The following DENND2D variants were observed in gnomAD, a reference collection of about 807,000 sequenced individuals.
DENND2D encodes DENN domain containing 2D, also known as DENN domain-containing protein 2D.
Under a neutral mutation model 59.8 loss-of-function variants are expected in DENND2D, and 37 were observed. The ratio of observed to expected loss-of-function variants is 0.62; its 90% CI spans 0.48 to 0.81. The LOEUF is 0.81. Ranked by LOEUF, DENND2D falls within the 40% of genes least tolerant of loss-of-function variation. The pLI, the probability that DENND2D is intolerant of heterozygous loss-of-function variation, is 0.00. For missense variants in DENND2D, 525 were observed against 579.7 expected, an observed-to-expected ratio of 0.91 and a Z score of 0.97; for synonymous variants, 219 against 211.3, an observed-to-expected ratio of 1.04 and a Z score of -0.31.
chr1:111,194,456 TAGA>T (rs1338060864), intron 7 of DENND2D, 119 bp downstream of exon 7: 2 of 1,162,176 alleles, frequency 1.7e-6, no homozygotes, highest in Non-Finnish European at 2.4e-6. Context: ...AACAAGGAGC[TAGA>T]AACAGGAGGG....
chr1:111,201,586 A>C (rs536558246), upstream of DENND2D, among the ~76,000 whole-genome samples: 11 of 152,336 alleles, frequency 7.2e-5, no homozygotes, highest in Admixed American at 3.3e-4. Flanking sequence ...TAGCAAAAAA[A>C]TCACCTTGGA....
At chr1:111,193,710 T>A (rs1335553048) in intron 7 of DENND2D, among the ~76,000 whole-genome samples, 1 of 152,182 alleles carries the variant, frequency 6.6e-6, no homozygotes. Context: ...TCACTGGTTT[T>A]CTCCCTCCCC....
chr1:111,197,095 T>C (rs1658302977), intron 5 of DENND2D, 81 bp downstream of exon 5: 6 of 1,471,738 alleles, frequency 4.1e-6, no homozygotes, highest in Admixed American at 1.9e-5. Flanking sequence ...AGAGCTCCAC[T>C]AAGAGCTTAG....
At chr1:111,204,198 G>T, upstream of DENND2D, 1 of 1,262,672 alleles carries the variant, frequency 7.9e-7, no homozygotes, top group Non-Finnish European at 1.0e-6. Context: ...GGATCTCGAC[G>T]CCCCGTGCCG....
Position 111,197,162 on chromosome 1 carries a change from A to G in DENND2D, c.504+14T>C. The G allele has an allele frequency of 7.0e-7, 1 of 1,438,588 alleles. No homozygotes were observed. Among genetic ancestry groups the G allele is most frequent in the Non-Finnish European group, 9.4e-7 (1 of 1,069,042 alleles). The allele number at this position is 1,438,588 out of a possible 1,614,324, so 89.1% of individuals were successfully genotyped here. A position where few individuals can be genotyped will look rare whatever the true frequency, so the allele number is the denominator to read the frequency against. ...CCTGGAATATGGGCAGGCCCTGAGGAATCCTATCCCTACCTTGGAGAACAA... is the reference window on the plus strand; with the variant it reads ...CCTGGAATATGGGCAGGCCCTGAGGGATCCTATCCCTACCTTGGAGAACAA... On this transcript the variant is annotated intron_variant, in intron 5 of 11. Transcript: ENST00000357640.
chr1:111,188,340 C>A lies in DENND2D; in HGVS notation c.1130G>T (p.Gly377Val). 2 of 1,613,932 alleles carry A rather than the reference C, an allele frequency of 1.2e-6. No individual in the cohort carries two copies. The highest frequency in any genetic ancestry group is 1.7e-6 in the Non-Finnish European group (2 of 1,179,992). The part of the protein sequence containing the change: ...TAEQINEHVS[G>V]PFVQFFVKIV... ...CTTGACAAAGAACTGCACAAAGGGGCCTGAAACATGCTCGTTGATTTGTTC... is the reference window on the plus strand; with the variant it reads ...CTTGACAAAGAACTGCACAAAGGGGACTGAAACATGCTCGTTGATTTGTTC... Residue 377 changes from glycine to valine, a missense_variant, in exon 11 of 12, where the codon GGC becomes GTC. Transcript: ENST00000357640.
chr1:111,203,420 G>A (rs1325953762), upstream of DENND2D, among the ~76,000 whole-genome samples: 1 of 152,246 alleles, frequency 6.6e-6, no homozygotes, highest in Non-Finnish European at 1.5e-5. Context: ...TCAGACAGTA[G>A]GACCTCTGGG....
At chr1:111,198,086 A>C in intron 3 of DENND2D, 97 bp from the exon 4 acceptor site, 1 of 1,181,564 alleles carries the variant, frequency 8.5e-7, no homozygotes, top group Middle Eastern at 2.0e-4. Flanking sequence ...GGCAAAGGGG[A>C]GTTGCTGATT....
chr1:111,199,884 C>T (rs938945018), intron 1 of DENND2D, 86 bp from the exon 2 acceptor site: 1 of 1,504,772 alleles, frequency 6.6e-7, no homozygotes, highest in Non-Finnish European at 8.9e-7. Flanking sequence ...GACCTCCACA[C>T]CTCAAGGCCG....
chr1:111,189,192 A>T lies in DENND2D; in HGVS notation c.1014+20T>A. On this transcript the variant is annotated intron_variant, in intron 9 of 11. Coordinates refer to ENST00000357640, the MANE Select transcript of DENND2D (RefSeq NM_024901.5). ...AGAGTTGTTGATAGGCCTGCAGGGG[A>T]TCTGAACCCAGACACTTACCGACAT... 1 of 1,614,096 alleles carries T rather than the reference A, an allele frequency of 6.2e-7. No homozygotes were observed. The highest frequency in any genetic ancestry group is 1.1e-5 in the South Asian group (1 of 91,072).
At chr1:111,201,630 G>A (rs1658809614), upstream of DENND2D, among the ~76,000 whole-genome samples, 1 of 152,166 alleles carries the variant, frequency 6.6e-6, no homozygotes, top group South Asian at 2.1e-4. Context: ...GTAAATACAG[G>A]GAAGGCTTTT....
In DENND2D at chr1:111,197,262, G is replaced by A; in HGVS notation, c.427-9C>T. 6.2e-7 allele frequency: 1 copy of A among 1,609,490 alleles called. No homozygotes were observed. Among genetic ancestry groups the A allele is most frequent in the Non-Finnish European group, 8.5e-7 (1 of 1,178,384 alleles). ...GGGCCAGGGCCGGCAGGCTGGGGAGGGACAGAGAGGCTCCTTCAGTGCTGC... is the reference window on the plus strand; with the variant it reads ...GGGCCAGGGCCGGCAGGCTGGGGAGAGACAGAGAGGCTCCTTCAGTGCTGC... On this transcript the variant is annotated splice_polypyrimidine_tract_variant and intron_variant, in intron 4 of 11. Transcript: ENST00000357640.
At chr1:111,198,034 C>T (rs1658415143) in intron 3 of DENND2D, 45 bp from the exon 4 acceptor site, 1 of 1,595,132 alleles carries the variant, frequency 6.3e-7, no homozygotes, top group Non-Finnish European at 8.6e-7. Context: ...CTCACTGAAT[C>T]CTAAAACAGG....
intron 7 of DENND2D, among the ~76,000 whole-genome samples, chr1:111,193,947 A>G (rs1187339503): frequency 6.6e-6 from 1 of 152,214 alleles, no homozygotes; most frequent in African/African-American, 2.4e-5. Flanking sequence ...TTAGGTACCT[A>G]ATGTGCATTA....
At chr1:111,195,734 A>T in intron 6 of DENND2D, 182 bp downstream of exon 6, 1 of 783,362 alleles carries the variant, frequency 1.3e-6, no homozygotes, top group Non-Finnish European at 2.1e-6. Context: ...GTGGGTATCA[A>T]GTTAGAAGGA....
chr1:111,191,832 A>G (rs969800317), intron 8 of DENND2D, among the ~76,000 whole-genome samples: 1 of 152,180 alleles, frequency 6.6e-6, no homozygotes, highest in Non-Finnish European at 1.5e-5. Context: ...CTGGCACAGA[A>G]CAGTCTGCTC....
At chr1:111,192,057 C>CA in intron 8 of DENND2D, 83 bp downstream of exon 8, 1 of 1,312,214 alleles carries the variant, frequency 7.6e-7, no homozygotes, top group African/African-American at 1.5e-5. Flanking sequence ...TGCCCCTAAT[C>CA]ACACAGCTGT....
chr1:111,189,249 A>T lies in DENND2D; in HGVS notation c.977T>A (p.Leu326Gln). The change falls in exon 9 of 12, where the codon CTG becomes CAG. Residue 326 changes from leucine (L) to glutamine (Q), a missense_variant. By Grantham distance (113) the Leu-to-Gln change is moderately radical (BLOSUM62 -2). Coordinates refer to ENST00000357640, the MANE Select transcript of DENND2D (RefSeq NM_024901.5). ...GGTTCCTTCACAAAGATTGACCAGC[A>T]GGACCTGAAATAAACATAGACTGGC... The part of the protein sequence containing the change: ...EVMDSPMEEV[L>Q]LVNLCEGTFL... The T allele has an allele frequency of 6.2e-7, 1 of 1,614,230 alleles. No individual in the cohort carries two copies. Among genetic ancestry groups the T allele is most frequent in the South Asian group, 1.1e-5 (1 of 91,082 alleles).
Position 111,186,126 on chromosome 1 carries a change from T to TA in DENND2D, c.*1478dup, listed in dbSNP as rs1557946826. 6.6e-6 allele frequency among the ~76,000 whole-genome samples: 1 copy of TA among 152,226 alleles called. No homozygotes were observed. The highest frequency in any genetic ancestry group is 1.5e-5 in the Non-Finnish European group (1 of 68,034). ...ATTTGTAATAAACCTCAGCAAACCT[T>TA]ACCTGAAGAACCTTTTAAGAAAGTA... On this transcript the variant is annotated 3_prime_UTR_variant, in exon 12 of 12. Coordinates refer to ENST00000357640, the MANE Select transcript of DENND2D (RefSeq NM_024901.5).
Sources: gnomAD v4.1 joint callset for allele counts (sites outside exome capture counted in the v4.1 genomes callset) on GRCh38, gnomAD v4.1.1 for gene constraint, MANE v1.5 for transcripts, NCBI Gene and HGNC (gene_info 2026-07-23, HGNC 2026-07-21) for gene names.